SRPRB: variants seen among roughly 807,000 people sequenced by gnomAD.
SRPRB encodes signal recognition particle receptor subunit beta.
In SRPRB, 20 loss-of-function variants were observed where a neutral mutation model predicts 31.9. That is an observed-to-expected ratio of 0.63 (90% CI 0.44 to 0.91). SRPRB has a LOEUF of 0.91. SRPRB is among the 40% of genes least tolerant of loss of function. SRPRB has a pLI of 0.00. For synonymous variants in SRPRB, 146 were observed against 132.8 expected, an observed-to-expected ratio of 1.10 and a Z score of -0.68; for missense variants, 321 against 324.9, an observed-to-expected ratio of 0.99 and a Z score of 0.09.
At chr3:133,802,530 G>A (rs992039187), upstream of SRPRB, among the ~76,000 whole-genome samples, 1 of 151,982 alleles carries the variant, frequency 6.6e-6, no homozygotes, top group Non-Finnish European at 1.5e-5. Flanking sequence ...TCCCCACACT[G>A]CCCCATCCCT....
intron 6 of SRPRB, among the ~76,000 whole-genome samples, chr3:133,818,677 C>T (rs1206721266): frequency 6.6e-6 from 1 of 151,918 alleles, no homozygotes; most frequent in African/African-American, 2.4e-5. Context: ...AAATGAATAC[C>T]TATGTACTCA....
downstream of SRPRB, chr3:133,828,421 A>G (rs1031385631): frequency 8.2e-6 from 3 of 366,850 alleles, no homozygotes; most frequent in Non-Finnish European, 1.5e-5. Context: ...GGTTCTCTAT[A>G]AGTTTACAAA....
At chr3:133,812,230 G>A (rs182888216) in intron 4 of SRPRB, among the ~76,000 whole-genome samples, 1 of 152,318 alleles carries the variant, frequency 6.6e-6, no homozygotes, top group African/African-American at 2.4e-5. Flanking sequence ...GAATGAAGTA[G>A]TAGATTCTTT....
chr3:133,825,913 C>T (rs945340652), downstream of SRPRB: 2 of 152,238 alleles, frequency 1.3e-5, no homozygotes, highest in Non-Finnish European at 2.9e-5. Context: ...AGCAAAGATG[C>T]AATGCTCTTG....
chr3:133,805,152 C>G (rs1359732075), upstream of SRPRB, among the ~76,000 whole-genome samples: 1 of 152,204 alleles, frequency 6.6e-6, no homozygotes, highest in Non-Finnish European at 1.5e-5. Flanking sequence ...ACAGCCCCAG[C>G]TCTCCTGGGC....
At chr3:133,813,631 T>G (rs1935313300) in intron 4 of SRPRB, among the ~76,000 whole-genome samples, 1 of 152,232 alleles carries the variant, frequency 6.6e-6, no homozygotes, top group Admixed American at 6.5e-5. Context: ...TTTTAAACAT[T>G]TACTTTATAG....
chr3:133,806,447 G>A (rs540671312), intron 1 of SRPRB, 162 bp from the exon 2 acceptor site: 42 of 595,816 alleles, frequency 7.0e-5, no homozygotes, highest in South Asian at 4.7e-4. Context: ...CTGGCTCTCA[G>A]TGGATCCCTA....
In SRPRB at chr3:133,819,672, T is replaced by C; in HGVS notation, c.722T>C (p.Val241Ala). The change falls in exon 7 of 7, where the codon GTG becomes GCG. Residue 241 changes from valine to alanine, a missense_variant. Transcript: ENST00000678299. ...GAATTCTCACAGTTGCCCCTCAAAG[T>C]GGAGTTCCTGGAGTGCAGTGCCAAG... ...EFEFSQLPLK[V>A]EFLECSAKGG... 6.2e-7 allele frequency: 1 copy of C among 1,614,082 alleles called. No homozygotes were observed.
chr3:133,810,182 TA>T (rs1322132248), intron 3 of SRPRB: 1 of 152,068 alleles, frequency 6.6e-6, no homozygotes, highest in Admixed American at 6.5e-5. Flanking sequence ...GAGGGACTAA[TA>T]AAAAACATAT....
At chr3:133,793,795 GA>G (rs964273588) in intron 1 of SRPRB, 19 of 152,102 alleles carry the variant, frequency 1.2e-4, no homozygotes, top group African/African-American at 4.1e-4. Context: ...ATTCATGAAA[GA>G]TTGGAAAGGA....
intron 3 of SRPRB, 183 bp from the exon 4 acceptor site, chr3:133,810,934 C>A: frequency 2.0e-6 from 1 of 497,398 alleles, no homozygotes. Context: ...AGATCAGGAA[C>A]CGTGTCTTTG....
Position 133,813,319 on chromosome 3 carries a change from T to C in SRPRB, c.410+2120T>C, listed in dbSNP as rs139355889. 7.7e-3 allele frequency among the ~76,000 whole-genome samples: 1,174 copies of C among 152,332 alleles called. 6 individuals carry two copies. Among genetic ancestry groups the C allele is most frequent in the Middle Eastern group, 0.017 (5 of 294 alleles). ...TTCTCCAGGTAGTGCTGTTTCCCCA[T>C]GATCATTTCTCACACTCTGGAATTC... On this transcript the variant is annotated intron_variant, in intron 4 of 6. Transcript: ENST00000678299.
chr3:133,820,940 T>C lies in SRPRB; in HGVS notation c.*1174T>C, dbSNP rs1935461498. ...ACTAAAGCTTACAAGGAGACCAGGG[T>C]GGCTCTGTCCAGGGGAGAAGCCAGT... On this transcript the variant is annotated 3_prime_UTR_variant, in exon 7 of 7. Coordinates refer to ENST00000678299, the MANE Select transcript of SRPRB (RefSeq NM_001379313.1). 6.6e-6 allele frequency: 1 copy of C among 152,282 alleles called. No homozygotes were observed. The allele number at this position is 152,282 out of a possible 1,614,324, so 9.4% of individuals were successfully genotyped here. A position where few individuals can be genotyped will look rare whatever the true frequency, so the allele number is the denominator to read the frequency against.
In SRPRB at chr3:133,807,658, C is replaced by A; in HGVS notation, c.250-88C>A. ...TCGGAAGCAGCATTCATTTACTTAA[C>A]CTTACACCTGGGAGACTTAGAATAA... is the stretch of plus-strand genomic sequence containing the variant. On this transcript the variant is annotated intron_variant, in intron 2 of 6. Transcript: ENST00000678299. The A allele has an allele frequency of 3.4e-6, 3 of 888,164 alleles. No individual in the cohort carries two copies. In the South Asian group the frequency reaches 4.4e-5, roughly 13 times the overall value. 55.0% of individuals were successfully genotyped at this position (888,164 alleles called of 1,614,324 possible).
chr3:133,806,765 C>G, intron 2 of SRPRB, 62 bp downstream of exon 2: 1 of 1,222,912 alleles, frequency 8.2e-7, no homozygotes, highest in Non-Finnish European at 1.2e-6. Context: ...TCCCAGTATT[C>G]CTGTCATCTC....
At chr3:133,800,947 A>G (rs1232438018), upstream of SRPRB, among the ~76,000 whole-genome samples, 1 of 152,258 alleles carries the variant, frequency 6.6e-6, no homozygotes, top group Non-Finnish European at 1.5e-5. Flanking sequence ...ACATATGTAC[A>G]GAGGAATGTC....
At chr3:133,823,422 G>A (rs1246276107), downstream of SRPRB, among the ~76,000 whole-genome samples, 5 of 152,114 alleles carry the variant, frequency 3.3e-5, no homozygotes, top group Non-Finnish European at 7.4e-5. Flanking sequence ...GACCACTCCT[G>A]GCTAATTTTT....
At chr3:133,825,747 C>G (rs983422445), downstream of SRPRB, 39 of 152,326 alleles carry the variant, frequency 2.6e-4, no homozygotes, top group African/African-American at 9.1e-4. Flanking sequence ...AGATTCACCC[C>G]CTTCACTCCC....
chr3:133,806,483 TAA>T lies in SRPRB; in HGVS notation c.155-123_155-122del, dbSNP rs1012388914. On this transcript the variant is annotated intron_variant, in intron 1 of 6. Transcript: ENST00000678299. ...ACAACAGCAATAGTAACCATTATGA[TAA>T]AAGTCAGTTCCAGGTGAATGAGGTG... The T allele has an allele frequency of 4.3e-6, 3 of 701,540 alleles. No homozygotes were observed. The Admixed American group carries it at 7.3e-5, about 17-fold the overall frequency. The allele number at this position is 701,540 out of a possible 1,614,324, so 43.5% of individuals were successfully genotyped here.
Sources: gnomAD v4.1 joint callset for allele counts (sites outside exome capture counted in the v4.1 genomes callset) on GRCh38, gnomAD v4.1.1 for gene constraint, MANE v1.5 for transcripts, NCBI Gene and HGNC (gene_info 2026-07-23, HGNC 2026-07-21) for gene names.